Variants in DGKG observed in about 807,000 individuals in gnomAD.
The protein encoded by DGKG is diacylglycerol kinase gamma, also known as DAG kinase gamma.
In DGKG, 78 loss-of-function variants were observed where a neutral mutation model predicts 105.3. That is an observed-to-expected ratio of 0.74 (90% CI 0.62 to 0.89). DGKG has a LOEUF of 0.89. Among genes scored for constraint, DGKG ranks in the 40% least tolerant of loss-of-function variants. The pLI is 0.00. For missense variants in DGKG, 958 were observed against 1,020.1 expected (o/e 0.94, Z 0.83); for synonymous variants, 346 against 367.1 (o/e 0.94, Z 0.66).
At chr3:186,306,639 G>C in intron 3 of DGKG, 1 of 402,436 alleles carries the variant, frequency 2.5e-6, no homozygotes, top group Non-Finnish European at 4.5e-6. Context: ...AGAAAACTCA[G>C]TTGTTAACTG....
chr3:186,319,020 C>G (rs1724953084), intron 2 of DGKG, among the ~76,000 whole-genome samples: 1 of 152,236 alleles, frequency 6.6e-6, no homozygotes, highest in Non-Finnish European at 1.5e-5. Flanking sequence ...GGGTAGGCCT[C>G]TCCTTTGTGC....
Position 186,354,115 on chromosome 3 carries a change from GATGAGAGTA to G in DGKG, c.-249+7822_-249+7830del, listed in dbSNP as rs552574936. Among the ~76,000 whole-genome samples the G allele has an allele frequency of 2.0e-5, 3 of 152,250 alleles. No homozygotes were observed. In the South Asian group the frequency reaches 6.2e-4, roughly 32 times the overall value. On this transcript the variant is annotated intron_variant, in intron 1 of 24. Coordinates refer to ENST00000265022, the MANE Select transcript of DGKG (RefSeq NM_001346.3). Reference sequence around the variant, plus strand: ...TTTGGATGGGGAGTTTGGGGGGCTAGATGAGAGTAACCATTTTGTGTGGCTTCCAAGGAA... The same window carrying G: ...TTTGGATGGGGAGTTTGGGGGGCTAGACCATTTTGTGTGGCTTCCAAGGAA...
intron 20 of DGKG, among the ~76,000 whole-genome samples, chr3:186,239,098 T>C (rs1168993995): frequency 1.3e-5 from 2 of 152,154 alleles, no homozygotes; most frequent in African/African-American, 4.8e-5. Flanking sequence ...GGATCCCAGG[T>C]TAAGAATTCT....
chr3:186,334,976 G>A (rs950601977), intron 1 of DGKG, among the ~76,000 whole-genome samples: 29 of 152,066 alleles, frequency 1.9e-4, no homozygotes, highest in African/African-American at 4.6e-4. Context: ...CATAAACCCC[G>A]GTTACAGAAA....
At chr3:186,310,399 G>T (rs867423536) in intron 2 of DGKG, among the ~76,000 whole-genome samples, 15 of 151,494 alleles carry the variant, frequency 9.9e-5, no homozygotes, top group Middle Eastern at 3.4e-3. Context: ...TAGGATTATA[G>T]TATCAATACC....
chr3:186,235,413 AAG>A (rs1720369703), intron 20 of DGKG, among the ~76,000 whole-genome samples: 1 of 152,200 alleles, frequency 6.6e-6, no homozygotes, highest in Admixed American at 6.5e-5. Context: ...ATATTAGATG[AAG>A]AGAGGCAAAG....
chr3:186,171,461 A>G (rs1273621305), intron 22 of DGKG, among the ~76,000 whole-genome samples: 4 of 152,318 alleles, frequency 2.6e-5, no homozygotes, highest in African/African-American at 9.6e-5. Flanking sequence ...CTGATATAAA[A>G]TAGTGTGGAA....
intron 21 of DGKG, among the ~76,000 whole-genome samples, chr3:186,204,270 G>A (rs921368361): frequency 6.6e-6 from 1 of 152,146 alleles, no homozygotes; most frequent in Admixed American, 6.5e-5. Flanking sequence ...GCCAGGCATT[G>A]TGGTGTGTGC....
rs1232739212 is a variant in DGKG, at chr3:186,231,795, C to T, written c.1826+10709G>A. 6.6e-6 allele frequency among the ~76,000 whole-genome samples: 1 copy of T among 152,146 alleles called. No homozygotes were observed. The highest frequency in any genetic ancestry group is 6.5e-5 in the Admixed American group (1 of 15,274). On this transcript the variant is annotated intron_variant, in intron 20 of 24. Transcript: ENST00000265022. This position sits in a 1 kb window ranked among gnomAD's most constrained non-coding sequence, Gnocchi z 4.5. ...AATTAGCTGGGCATGGTGGCGCGCA[C>T]CTGTAATCCCAGCTAATCAGGAGGC...
intron 2 of DGKG, among the ~76,000 whole-genome samples, chr3:186,318,664 C>T (rs1544702): frequency 0.23 from 35,530 of 151,998 alleles, 4,228 homozygotes; most frequent in African/African-American, 0.28. Flanking sequence ...GAGAATGTCA[C>T]GTGAGGGCAT....
chr3:186,257,391 G>C (rs558042838), intron 17 of DGKG, among the ~76,000 whole-genome samples: 44 of 152,330 alleles, frequency 2.9e-4, no homozygotes, highest in Admixed American at 9.8e-4. Flanking sequence ...AGCTCAGTGT[G>C]GTCCTTCTTT....
intron 4 of DGKG, 25 bp downstream of exon 4, chr3:186,298,039 C>T (rs773285016): frequency 5.7e-6 from 9 of 1,588,624 alleles, no homozygotes; most frequent in Non-Finnish European, 7.7e-6. Flanking sequence ...CAAGGTCTTC[C>T]CATCTTGGGG....
chr3:186,236,827 A>C lies in DGKG; in HGVS notation c.1826+5677T>G, dbSNP rs554181734. ...CAGGAAATAACTTGCTTCAGCCTCA[A>C]CTGCTGAGAGACGCGGTCAAGTGGA... On this transcript the variant is annotated intron_variant, in intron 20 of 24. Transcript: ENST00000265022. Among the ~76,000 whole-genome samples the C allele has an allele frequency of 5.9e-5, 9 of 152,346 alleles. No individual in the cohort carries two copies. The South Asian group carries it at 1.9e-3, about 32-fold the overall frequency.
intron 24 of DGKG, chr3:186,160,885 A>T (rs910216496): frequency 1.0e-6 from 1 of 985,330 alleles, no homozygotes; most frequent in African/African-American, 1.7e-5. Context: ...GAGCTAACGG[A>T]TATGGTAAGT....
intron 20 of DGKG, among the ~76,000 whole-genome samples, chr3:186,223,232 G>A (rs536103956): frequency 1.3e-5 from 2 of 151,502 alleles, no homozygotes; most frequent in South Asian, 4.2e-4. Flanking sequence ...CTACATCCCC[G>A]GCGGTGACCC....
At chr3:186,354,822 C>T (rs537312343) in intron 1 of DGKG, among the ~76,000 whole-genome samples, 1 of 152,266 alleles carries the variant, frequency 6.6e-6, no homozygotes, top group African/African-American at 2.4e-5. Flanking sequence ...AGGCACTGGT[C>T]AGAGTGGTGA....
chr3:186,316,110 C>T (rs971838265), intron 2 of DGKG, among the ~76,000 whole-genome samples: 4 of 152,328 alleles, frequency 2.6e-5, no homozygotes, highest in East Asian at 1.9e-4. Flanking sequence ...TGAGCCATGA[C>T]GGATGGTCTA....
intron 24 of DGKG, among the ~76,000 whole-genome samples, chr3:186,154,597 A>T (rs926882288): frequency 4.7e-5 from 7 of 148,728 alleles, no homozygotes; most frequent in African/African-American, 7.5e-5. Flanking sequence ...GTGAGCCGAG[A>T]TCGTGCCATT....
At chr3:186,351,600 C>T (rs1726633545) in intron 1 of DGKG, among the ~76,000 whole-genome samples, 1 of 152,212 alleles carries the variant, frequency 6.6e-6, no homozygotes, top group African/African-American at 2.4e-5. Flanking sequence ...TTGGAACTAA[C>T]CAAGGTTCAC....
Sources: gnomAD v4.1 joint callset for allele counts (sites outside exome capture counted in the v4.1 genomes callset) on GRCh38, gnomAD v4.1.1 for gene constraint, Gnocchi (gnomAD v3.1) non-coding constraint, MANE v1.5 for transcripts, NCBI Gene and HGNC (gene_info 2026-07-23, HGNC 2026-07-21) for gene names.